ENOX2: variants seen among roughly 807,000 people sequenced by gnomAD.
The protein encoded by ENOX2 is APK1 antigen.
Under a neutral mutation model 45.0 loss-of-function variants are expected in ENOX2, and 36 were observed. That is an observed-to-expected ratio of 0.80 (90% CI 0.61 to 1.06). ENOX2 has a LOEUF of 1.06. Ranked by LOEUF, ENOX2 falls within the 50% of genes least tolerant of loss-of-function variation. The probability of loss-of-function intolerance (pLI) is 0.00; values close to 1 mark genes in which losing one functional copy is unlikely to be tolerated. For synonymous variants in ENOX2, 174 were observed against 152.3 expected, an observed-to-expected ratio of 1.14 and a Z score of -1.05; for missense variants, 423 against 462.5, an observed-to-expected ratio of 0.91 and a Z score of 0.78.
In ENOX2 at chrX:130,645,985, A is replaced by G. The variant is rs1369356438; in HGVS notation, c.1130-8575T>C. ...CAAGGGAAACACCTCATCACGGATG[A>G]ACTCAGCTACGTTTGTGAGAGGAAG... On this transcript the variant is annotated intron_variant, in intron 10 of 14. Transcript: ENST00000394363. The G allele has an allele frequency of 1.1e-5, 7 of 631,802 alleles. No individual in the cohort carries two copies. The African/African-American group carries it at 1.5e-4, about 14-fold the overall frequency. The allele number at this position is 631,802 out of a possible 1,213,427, so 52.1% of individuals were successfully genotyped here. A position where few individuals can be genotyped will look rare whatever the true frequency, so the allele number is the denominator to read the frequency against.
intron 6 of ENOX2, among the ~76,000 whole-genome samples, chrX:130,676,684 A>G (rs904704121): frequency 9.0e-6 from 1 of 111,486 alleles, no homozygotes; most frequent in Admixed American, 9.5e-5. Context: ...ATTAGATTCT[A>G]TAGCACTTAC....
chrX:130,846,730 C>T (rs1045478387), intron 2 of ENOX2, among the ~76,000 whole-genome samples: 2 of 112,795 alleles, frequency 1.8e-5, no homozygotes, highest in African/African-American at 6.4e-5. Flanking sequence ...ATCAGAAGCA[C>T]ATTTTCGGTA....
At chrX:130,844,159 AC>A (rs2078059643) in intron 2 of ENOX2, among the ~76,000 whole-genome samples, 1 of 111,887 alleles carries the variant, frequency 8.9e-6, no homozygotes, top group Admixed American at 9.5e-5. Context: ...CACTTTCCAC[AC>A]TGTACAACTA....
chrX:130,670,929 A>G (rs931801058), intron 6 of ENOX2, among the ~76,000 whole-genome samples: 1 of 111,662 alleles, frequency 9.0e-6, no homozygotes, highest in Non-Finnish European at 1.9e-5. Flanking sequence ...GGAAAAAACT[A>G]AGTACTTTTT....
At chrX:130,659,106 C>T (rs1474661341) in intron 9 of ENOX2, among the ~76,000 whole-genome samples, 2 of 112,088 alleles carry the variant, frequency 1.8e-5, no homozygotes, top group Non-Finnish European at 3.8e-5. Flanking sequence ...CTTGGATTAG[C>T]CTGTACTGGG....
At chrX:130,676,961 T>C (rs5977343) in intron 6 of ENOX2, among the ~76,000 whole-genome samples, 6,371 of 111,812 alleles carry the variant, frequency 0.057, 411 homozygotes, top group African/African-American at 0.2. Flanking sequence ...TTAAGCCTTT[T>C]GGAGTGTGCT....
chrX:130,833,109 T>C (rs1348651206), intron 2 of ENOX2, among the ~76,000 whole-genome samples: 2 of 110,213 alleles, frequency 1.8e-5, no homozygotes, highest in Admixed American at 9.7e-5. Context: ...CTAAACTTTC[T>C]TGAGTCTTAG....
chrX:130,684,459 T>C (rs1263293432), intron 5 of ENOX2, among the ~76,000 whole-genome samples: 1 of 112,002 alleles, frequency 8.9e-6, no homozygotes, highest in African/African-American at 3.2e-5. Context: ...TAGTAGGCAG[T>C]TGGCTACATG....
chrX:130,645,836 G>A, intron 10 of ENOX2: 2 of 705,416 alleles, frequency 2.8e-6, no homozygotes, highest in Non-Finnish European at 4.5e-6. Flanking sequence ...CCAGGCAGGA[G>A]GAGAGGGCAG....
chrX:130,894,499 T>C (rs1213132499), intron 2 of ENOX2, among the ~76,000 whole-genome samples: 1 of 109,808 alleles, frequency 9.1e-6, no homozygotes, highest in African/African-American at 3.3e-5. Context: ...TAAAATTTTA[T>C]TCTCAAATGG....
At chrX:130,895,114 G>A (rs897385221) in intron 2 of ENOX2, among the ~76,000 whole-genome samples, 2 of 111,881 alleles carry the variant, frequency 1.8e-5, no homozygotes, top group Non-Finnish European at 3.8e-5. Flanking sequence ...AGCTCCTTAA[G>A]GGCAGGGATT....
At chrX:130,810,172 C>G (rs1236313976) in intron 2 of ENOX2, among the ~76,000 whole-genome samples, 2 of 110,755 alleles carry the variant, frequency 1.8e-5, no homozygotes, top group Non-Finnish European at 3.8e-5. Flanking sequence ...ACCTTGGACC[C>G]CAACACCAGG....
At chrX:130,747,406 C>T (rs1458811597) in intron 3 of ENOX2, among the ~76,000 whole-genome samples, 4 of 112,004 alleles carry the variant, frequency 3.6e-5, no homozygotes, top group Non-Finnish European at 1.9e-5. Flanking sequence ...AGTTACTCAG[C>T]ATAAGACCCT....
At chrX:130,690,521 T>A (rs1157950803) in intron 4 of ENOX2, among the ~76,000 whole-genome samples, 9 of 112,408 alleles carry the variant, frequency 8.0e-5, no homozygotes. Context: ...AGAAAGAAAG[T>A]GGACTGCAAA....
At chrX:130,843,529 G>A (rs2078049195) in intron 2 of ENOX2, among the ~76,000 whole-genome samples, 1 of 111,001 alleles carries the variant, frequency 9.0e-6, no homozygotes. Flanking sequence ...TCCTGGCATG[G>A]TAAATAAGGT....
intron 6 of ENOX2, among the ~76,000 whole-genome samples, chrX:130,674,364 TG>T (rs2037075110): frequency 1.1e-5 from 1 of 93,079 alleles, no homozygotes. Context: ...GAAAAAAGAC[TG>T]AAAAAAAAAA....
chrX:130,784,415 C>T (rs760429598), intron 2 of ENOX2, among the ~76,000 whole-genome samples: 9 of 111,172 alleles, frequency 8.1e-5, no homozygotes, highest in Non-Finnish European at 1.5e-4. Flanking sequence ...AGTTCTTACT[C>T]CTCTGGCAGC....
chrX:130,882,142 G>A (rs1345373048), intron 2 of ENOX2, among the ~76,000 whole-genome samples: 1 of 110,950 alleles, frequency 9.0e-6, no homozygotes, highest in Non-Finnish European at 1.9e-5. Context: ...AAGGAAGGAT[G>A]GCAATTGAAA....
At chrX:130,717,847 G>A (rs147081714) in intron 3 of ENOX2, among the ~76,000 whole-genome samples, 2,071 of 111,107 alleles carry the variant, frequency 0.019, 65 homozygotes, top group African/African-American at 0.064. Context: ...CTCCCTAATC[G>A]CTTCCATCTC....
Sources: allele counts gnomAD v4.1 joint callset (sites outside exome capture counted in the v4.1 genomes callset), GRCh38; gene constraint gnomAD v4.1.1; transcripts MANE v1.5; gene names NCBI Gene and HGNC (gene_info 2026-07-23, HGNC 2026-07-21).